ITSN1: variants seen among roughly 807,000 people sequenced by gnomAD.
The protein encoded by ITSN1 is intersectin 1, also known as intersectin-1.
In ITSN1, 58 loss-of-function variants were observed where a neutral mutation model predicts 239.8. The ratio of observed to expected loss-of-function variants is 0.24; its 90% CI spans 0.20 to 0.30. The LOEUF (loss-of-function observed/expected upper bound fraction) is 0.30, where lower values mean the gene tolerates loss of function less well. ITSN1 is among the 10% of genes least tolerant of loss of function. The probability of loss-of-function intolerance (pLI) is 1.00; values close to 1 mark genes in which losing one functional copy is unlikely to be tolerated. For synonymous variants in ITSN1, 780 were observed against 770.8 expected, an observed-to-expected ratio of 1.01 and a Z score of -0.20; for missense variants, 1,558 against 2,103.3, an observed-to-expected ratio of 0.74 and a Z score of 5.07.
At chr21:33,710,081 G>GTTT (rs535357439) in intron 1 of ITSN1, among the ~76,000 whole-genome samples, 3 of 131,348 alleles carry the variant, frequency 2.3e-5, no homozygotes, top group African/African-American at 2.8e-5. Context: ...ATTTTTTTTT[G>GTTT]TTTTTTTTTT....
chr21:33,832,620 G>A (rs914679457), intron 27 of ITSN1, among the ~76,000 whole-genome samples: 3 of 152,048 alleles, frequency 2.0e-5, no homozygotes. Context: ...AAAGAGTGGT[G>A]TCATTGCGAG....
rs1430510898 is a variant in ITSN1, at chr21:33,797,311, G to C, written c.1953-68G>C. The C allele has an allele frequency of 2.2e-6, 3 of 1,380,292 alleles. No individual in the cohort carries two copies. Among genetic ancestry groups the C allele is most frequent in the Non-Finnish European group, 3.0e-6 (3 of 985,088 alleles). The allele number at this position is 1,380,292 out of a possible 1,614,324, so 85.5% of individuals were successfully genotyped here. On this transcript the variant is annotated intron_variant, in intron 17 of 39. Transcript: ENST00000381318. This position sits in a 1 kb window ranked among gnomAD's most constrained non-coding sequence, Gnocchi z 4.9. ...ATTTACTGGATGGAGCTTTTTTTGT[G>C]AAAAGAGGCAACAGTAGTGTTAACT...
At chr21:33,821,326 T>G (rs1015050139) in intron 24 of ITSN1, among the ~76,000 whole-genome samples, 14 of 152,222 alleles carry the variant, frequency 9.2e-5, no homozygotes, top group African/African-American at 3.1e-4. Flanking sequence ...TTAGAAATAT[T>G]TGGAAAGGTT....
intron 1 of ITSN1, among the ~76,000 whole-genome samples, chr21:33,693,450 A>G (rs892916125): frequency 6.6e-6 from 1 of 151,648 alleles, no homozygotes; most frequent in African/African-American, 2.4e-5. Context: ...TCCGCCTCCC[A>G]GGTTCGAGCA....
chr21:33,688,396 G>C (rs779807324), intron 1 of ITSN1, among the ~76,000 whole-genome samples: 8 of 152,172 alleles, frequency 5.3e-5, no homozygotes, highest in Non-Finnish European at 1.0e-4. Flanking sequence ...GTTTAGTTCT[G>C]AGTTTATGTG....
intron 39 of ITSN1, among the ~76,000 whole-genome samples, chr21:33,887,850 C>T (rs1409807873): frequency 1.3e-5 from 2 of 152,122 alleles, no homozygotes; most frequent in Admixed American, 6.5e-5. Context: ...TCAAGTGATC[C>T]TCCTGCCTCG....
At chr21:33,643,132 C>T (rs989290761) in intron 1 of ITSN1, among the ~76,000 whole-genome samples, 2 of 151,584 alleles carry the variant, frequency 1.3e-5, no homozygotes, top group Middle Eastern at 3.4e-3. Flanking sequence ...GCCTCGCCTC[C>T]CGCCGGCCTC....
chr21:33,645,641 G>T (rs964791048), intron 1 of ITSN1, among the ~76,000 whole-genome samples: 1 of 152,098 alleles, frequency 6.6e-6, no homozygotes, highest in Non-Finnish European at 1.5e-5. Flanking sequence ...CAGAGAGAGC[G>T]AGCCTGTGTC....
chr21:33,823,301 T>C (rs1407381241), intron 24 of ITSN1, among the ~76,000 whole-genome samples, 186 bp from the exon 25 acceptor site: 1 of 152,168 alleles, frequency 6.6e-6, no homozygotes, highest in Non-Finnish European at 1.5e-5. Context: ...CTACTGAACT[T>C]TTATGTGCAC....
At chr21:33,871,137 A>G (rs1273871726) in intron 33 of ITSN1, among the ~76,000 whole-genome samples, 1 of 151,196 alleles carries the variant, frequency 6.6e-6, no homozygotes. Flanking sequence ...TCTCAAAAAA[A>G]AAACAAAAAA....
rs1986536737 is a variant in ITSN1, at chr21:33,893,964, TA to T, written c.*5665del. 1 of 152,150 alleles carries T rather than the reference TA, an allele frequency of 6.6e-6. No homozygotes were observed. The highest frequency in any genetic ancestry group is 2.4e-5 in the African/African-American group (1 of 41,408). The allele number at this position is 152,150 out of a possible 1,614,324, so 9.4% of individuals were successfully genotyped here. ...TTAAAACCCAGACACCAAGACACAC[TA>T]GACAGTCCATCTCTGGGTTGTGATC... On this transcript the variant is annotated 3_prime_UTR_variant, in exon 40 of 40. Coordinates refer to ENST00000381318, the MANE Select transcript of ITSN1 (RefSeq NM_003024.3).
At chr21:33,662,812 T>C (rs975515419) in intron 1 of ITSN1, among the ~76,000 whole-genome samples, 1 of 152,206 alleles carries the variant, frequency 6.6e-6, no homozygotes, top group Non-Finnish European at 1.5e-5. Context: ...CCCTTCATGT[T>C]TCAGGGATTC....
In ITSN1 at chr21:33,882,084, T is replaced by A. The variant is rs962614004; in HGVS notation, c.4342-159T>A. ...GAATCCCCTGAACTGTGCCTTTGTC[T>A]GACTTTGATCTCTTGGCTCCAAAGT... On this transcript the variant is annotated intron_variant, in intron 34 of 39. Coordinates refer to ENST00000381318, the MANE Select transcript of ITSN1 (RefSeq NM_003024.3). This position sits in a 1 kb window ranked among gnomAD's most constrained non-coding sequence, Gnocchi z 4.5. Among the ~76,000 whole-genome samples the A allele has an allele frequency of 1.3e-5, 2 of 152,210 alleles. No homozygotes were observed. Among genetic ancestry groups the A allele is most frequent in the Non-Finnish European group, 2.9e-5 (2 of 68,038 alleles).
At position 33,836,464 on chromosome 21, in the gene ITSN1, G is replaced by A. The variant is rs201693658; in HGVS notation, c.3493G>A (p.Asp1165Asn). The A allele has an allele frequency of 3.1e-5, 50 of 1,612,014 alleles. No individual in the cohort carries two copies. The highest frequency in any genetic ancestry group is 3.3e-5 in the Admixed American group (2 of 59,820). The change falls in exon 29 of 40, where the codon GAC (aspartate) becomes AAC (asparagine). Residue 1165 changes from aspartate to asparagine, a missense_variant. By Grantham distance (23) the Asp-to-Asn change is conservative (BLOSUM62 1). Coordinates refer to ENST00000381318, the MANE Select transcript of ITSN1 (RefSeq NM_003024.3). The part of the protein sequence containing the change: ...AAVCQVIGMY[D>N]YTAQNDDELA... ...AGTGTGCCAGGTGATTGGGATGTAC[G>A]ACTACACCGCGCAGAATGACGATGA...
chr21:33,654,075 TCTCA>T (rs1233396132), intron 1 of ITSN1, among the ~76,000 whole-genome samples: 1 of 152,010 alleles, frequency 6.6e-6, no homozygotes, highest in Non-Finnish European at 1.5e-5. Context: ...CTCTCTTTTG[TCTCA>T]CTCTGTCACC....
At chr21:33,673,475 G>A (rs1004559764) in intron 1 of ITSN1, among the ~76,000 whole-genome samples, 1 of 152,202 alleles carries the variant, frequency 6.6e-6, no homozygotes, top group African/African-American at 2.4e-5. Flanking sequence ...ACAAAACATC[G>A]TGTCATGTAC....
chr21:33,667,129 A>G (rs2089979919), intron 1 of ITSN1, among the ~76,000 whole-genome samples: 1 of 146,544 alleles, frequency 6.8e-6, no homozygotes, highest in Non-Finnish European at 1.5e-5. Context: ...CACCCAGCCT[A>G]TTTGCTTTTT....
intron 26 of ITSN1, 78 bp downstream of exon 26, chr21:33,826,941 G>A (rs2074006019): frequency 5.2e-6 from 6 of 1,152,316 alleles, no homozygotes; most frequent in South Asian, 5.0e-5. Context: ...TGTGTATTAG[G>A]GCCAGAAGCC....
chr21:33,777,275 G>A (rs2069716274), intron 14 of ITSN1, among the ~76,000 whole-genome samples: 1 of 152,092 alleles, frequency 6.6e-6, no homozygotes, highest in African/African-American at 2.4e-5. Context: ...AAAATCAGTT[G>A]AACATATTTG....
Sources: allele counts gnomAD v4.1 joint callset (sites outside exome capture counted in the v4.1 genomes callset), GRCh38; gene constraint gnomAD v4.1.1; non-coding constraint Gnocchi (gnomAD v3.1); transcripts MANE v1.5; gene names NCBI Gene and HGNC (gene_info 2026-07-23, HGNC 2026-07-21).